The following PLCB1 variants were observed in gnomAD, a reference collection of about 807,000 sequenced individuals.
The protein encoded by PLCB1 is 1-phosphatidylinositol 4,5-bisphosphate phosphodiesterase beta-1.
Under a neutral mutation model 161.8 loss-of-function variants are expected in PLCB1, and 46 were observed. That is an observed-to-expected ratio of 0.28 (90% CI 0.22 to 0.36). The LOEUF (loss-of-function observed/expected upper bound fraction) is 0.36, where lower values mean the gene tolerates loss of function less well. Ranked by LOEUF, PLCB1 falls within the 10% of genes least tolerant of loss-of-function variation. PLCB1 has a pLI of 1.00. For missense variants in PLCB1, 1,016 were observed against 1,472.5 expected (o/e 0.69, Z 5.07); for synonymous variants, 517 against 503.7 (o/e 1.03, Z -0.35).
At chr20:8,794,314 A>G in intron 31 of PLCB1, among the ~76,000 whole-genome samples, 1 of 152,234 alleles carries the variant, frequency 6.6e-6, no homozygotes, top group East Asian at 1.9e-4. Flanking sequence ...TTTACAATTT[A>G]TGTTTAGAGA....
intron 3 of PLCB1, among the ~76,000 whole-genome samples, chr20:8,528,092 C>G (rs1048226463): frequency 6.6e-6 from 1 of 152,014 alleles, no homozygotes; most frequent in African/African-American, 2.4e-5. Context: ...TCAAGAATAA[C>G]TACATTATGT....
chr20:8,640,760 T>G (rs1988927111), intron 4 of PLCB1, among the ~76,000 whole-genome samples: 1 of 152,194 alleles, frequency 6.6e-6, no homozygotes, highest in Admixed American at 6.5e-5. Context: ...CACCTGAGAC[T>G]CCCAGTGATA....
chr20:8,163,499 T>C (rs1466001968), intron 2 of PLCB1, among the ~76,000 whole-genome samples: 1 of 152,226 alleles, frequency 6.6e-6, no homozygotes. Context: ...CTTTAATTTC[T>C]GGTAAGTCAG....
intron 2 of PLCB1, among the ~76,000 whole-genome samples, chr20:8,316,288 T>A (rs1984648695): frequency 1.3e-5 from 2 of 152,132 alleles, no homozygotes; most frequent in South Asian, 4.1e-4. Context: ...TAGACACATT[T>A]TTTTCCATCC....
Position 8,229,368 on chromosome 20 carries a change from C to A in PLCB1, c.177+78997C>A, listed in dbSNP as rs1979881041. ...TGCTCTGTAAGTTCCCATATTTACTCTCAGTTTCTGTACTTATCTTCCTGT... is the reference window on the plus strand; with the variant it reads ...TGCTCTGTAAGTTCCCATATTTACTATCAGTTTCTGTACTTATCTTCCTGT... On this transcript the variant is annotated intron_variant, in intron 2 of 31. Transcript: ENST00000338037. Among the ~76,000 whole-genome samples the A allele has an allele frequency of 2.0e-5, 3 of 152,220 alleles. No individual in the cohort carries two copies. The South Asian group carries it at 6.2e-4, about 32-fold the overall frequency.
At chr20:8,546,857 A>G (rs1985571762) in intron 3 of PLCB1, among the ~76,000 whole-genome samples, 1 of 151,544 alleles carries the variant, frequency 6.6e-6, no homozygotes, top group Admixed American at 6.6e-5. Context: ...ATAATAAATG[A>G]GTTCTTTTGA....
chr20:8,300,199 CAG>C (rs1250748408), intron 2 of PLCB1, among the ~76,000 whole-genome samples: 1 of 152,192 alleles, frequency 6.6e-6, no homozygotes, highest in Non-Finnish European at 1.5e-5. Flanking sequence ...GTGGGAATGA[CAG>C]AGGCACAACA....
intron 2 of PLCB1, among the ~76,000 whole-genome samples, chr20:8,181,574 GA>G (rs1228266141): frequency 6.6e-6 from 1 of 152,088 alleles, no homozygotes; most frequent in Non-Finnish European, 1.5e-5. Flanking sequence ...TAGTCCAAGT[GA>G]TCTATATTTT....
At chr20:8,634,438 A>T (rs1235438244) in intron 4 of PLCB1, among the ~76,000 whole-genome samples, 1 of 152,142 alleles carries the variant, frequency 6.6e-6, no homozygotes. Flanking sequence ...AACTTCGTCT[A>T]TATCAGTTTC....
intron 21 of PLCB1, among the ~76,000 whole-genome samples, chr20:8,739,663 A>G (rs1980770899): frequency 1.3e-5 from 2 of 152,214 alleles, no homozygotes; most frequent in African/African-American, 4.8e-5. Flanking sequence ...TCCGCAGCAT[A>G]GCTGTGCTTC....
intron 2 of PLCB1, among the ~76,000 whole-genome samples, chr20:8,177,397 C>T (rs2051794479): frequency 6.6e-6 from 1 of 152,142 alleles, no homozygotes; most frequent in Non-Finnish European, 1.5e-5. Flanking sequence ...TGATAAATTA[C>T]CCAGTCTAAG....
intron 3 of PLCB1, among the ~76,000 whole-genome samples, chr20:8,382,833 C>T (rs1987301542): frequency 6.6e-6 from 1 of 152,146 alleles, no homozygotes; most frequent in South Asian, 2.1e-4. Flanking sequence ...AGGCATGAGC[C>T]ACCACACCTG....
chr20:8,775,942 C>T (rs1042976486), intron 27 of PLCB1, among the ~76,000 whole-genome samples: 4 of 152,064 alleles, frequency 2.6e-5, no homozygotes, highest in Non-Finnish European at 2.9e-5. Context: ...TGAAATAAGA[C>T]GAAAGCAGTG....
intron 31 of PLCB1, among the ~76,000 whole-genome samples, chr20:8,873,022 C>A (rs554021799): frequency 6.6e-6 from 1 of 152,250 alleles, no homozygotes; most frequent in Non-Finnish European, 1.5e-5. Flanking sequence ...TTTCATTTTG[C>A]CTTTCCCTAT....
At chr20:8,262,995 T>C (rs150899103) in intron 2 of PLCB1, among the ~76,000 whole-genome samples, 2 of 152,254 alleles carry the variant, frequency 1.3e-5, no homozygotes, top group East Asian at 3.9e-4. Flanking sequence ...TATAATCACA[T>C]TGGGGATTAA....
intron 23 of PLCB1, chr20:8,750,870 C>G: frequency 7.3e-7 from 1 of 1,365,150 alleles, no homozygotes; most frequent in Non-Finnish European, 9.8e-7. Flanking sequence ...GATGGCCTTA[C>G]CTCTTACCCA....
intron 3 of PLCB1, among the ~76,000 whole-genome samples, chr20:8,379,237 T>C (rs1987189651): frequency 6.6e-6 from 1 of 152,202 alleles, no homozygotes; most frequent in Non-Finnish European, 1.5e-5. Context: ...TTGCTGAGGA[T>C]AATGGCTTCC....
intron 3 of PLCB1, among the ~76,000 whole-genome samples, chr20:8,580,430 G>T (rs1029082065): frequency 3.3e-5 from 5 of 152,110 alleles, no homozygotes; most frequent in African/African-American, 1.2e-4. Flanking sequence ...TATAAAGTTT[G>T]CAGTGTTAAC....
At chr20:8,733,118 ACT>A in intron 18 of PLCB1, 118 bp from the exon 19 acceptor site, 1 of 968,840 alleles carries the variant, frequency 1.0e-6, no homozygotes, top group Admixed American at 2.2e-5. Context: ...TTCTACAATG[ACT>A]CTCTTCCAAG....
Sources: allele counts gnomAD v4.1 joint callset (sites outside exome capture counted in the v4.1 genomes callset), GRCh38; gene constraint gnomAD v4.1.1; transcripts MANE v1.5; gene names NCBI Gene and HGNC (gene_info 2026-07-23, HGNC 2026-07-21).